The following CCDC102B variants were observed in gnomAD, a reference collection of about 807,000 sequenced individuals.
CCDC102B encodes coiled-coil domain containing 102B, also known as coiled-coil domain-containing protein 102B.
CCDC102B carries 75 observed loss-of-function variants against 57.4 expected under a neutral mutation model. The observed-to-expected ratio is 1.31, with a 90% CI of 1.08 to 1.58. The LOEUF (loss-of-function observed/expected upper bound fraction) is 1.58. Among genes scored for constraint, CCDC102B ranks in the 40% most tolerant of loss-of-function variants. The pLI, the probability that CCDC102B is intolerant of heterozygous loss-of-function variation, is 0.00. For synonymous variants in CCDC102B, 206 were observed against 201.9 expected (o/e 1.02, Z -0.17); for missense variants, 636 against 582.6 (o/e 1.09, Z -0.94).
chr18:68,946,668 T>G (rs1400968074), intron 6 of CCDC102B, among the ~76,000 whole-genome samples: 3 of 152,046 alleles, frequency 2.0e-5, no homozygotes, highest in African/African-American at 7.2e-5. Flanking sequence ...TAAAATTATG[T>G]TTTGGGTATC....
At chr18:68,720,610 C>T (rs2032273107) in intron 2 of CCDC102B, among the ~76,000 whole-genome samples, 1 of 152,224 alleles carries the variant, frequency 6.6e-6, no homozygotes, top group Non-Finnish European at 1.5e-5. Flanking sequence ...TTACCAGACT[C>T]CTTGCTGGGA....
chr18:68,726,815 A>C (rs2032617189), intron 2 of CCDC102B, among the ~76,000 whole-genome samples: 1 of 152,144 alleles, frequency 6.6e-6, no homozygotes, highest in Non-Finnish European at 1.5e-5. Flanking sequence ...AGTCAAGCTA[A>C]AAGCAGCTTT....
intron 1 of CCDC102B, among the ~76,000 whole-genome samples, chr18:68,828,290 T>C (rs1307045732): frequency 2.3e-5 from 3 of 130,178 alleles, no homozygotes; most frequent in South Asian, 2.3e-4. Flanking sequence ...TCAAGTGTCA[T>C]GTAACATTCA....
intron 7 of CCDC102B, among the ~76,000 whole-genome samples, chr18:69,043,422 G>C (rs939260974): frequency 6.6e-6 from 1 of 151,928 alleles, no homozygotes; most frequent in Admixed American, 6.6e-5. Flanking sequence ...GCTTGGGGAC[G>C]GTCAGGTCTT....
chr18:68,814,170 ATTTTC>A (rs1268497594), intron 1 of CCDC102B, among the ~76,000 whole-genome samples: 1 of 152,164 alleles, frequency 6.6e-6, no homozygotes, highest in East Asian at 1.9e-4. Context: ...CAGAATGAGT[ATTTTC>A]TTTACTCCAA....
At position 68,836,715 on chromosome 18, in the gene CCDC102B, T is replaced by A. The variant is rs755200068; in HGVS notation, c.-15-34T>A. ...TGTTCCTGTATTTACAAGGGAAATT[T>A]CAGCGTGAAATTATGGTCTCTATCT... On this transcript the variant is annotated intron_variant, in intron 1 of 7. Coordinates refer to ENST00000360242, the MANE Select transcript of CCDC102B (RefSeq NM_024781.3). 9 of 1,530,258 alleles carry A rather than the reference T, an allele frequency of 5.9e-6. No homozygotes were observed. The South Asian group carries it at 1.1e-4, about 19-fold the overall frequency. The allele number at this position is 1,530,258 out of a possible 1,614,324, so 94.8% of individuals were successfully genotyped here. A position where few individuals can be genotyped will look rare whatever the true frequency, so the allele number is the denominator to read the frequency against.
intron 6 of CCDC102B, among the ~76,000 whole-genome samples, chr18:68,906,810 A>G (rs2040661756): frequency 2.0e-5 from 3 of 147,290 alleles, no homozygotes; most frequent in African/African-American, 5.0e-5. Context: ...TGATACACGC[A>G]GTTTTACATT....
At chr18:68,890,352 C>T (rs1478539125) in intron 5 of CCDC102B, among the ~76,000 whole-genome samples, 1 of 152,100 alleles carries the variant, frequency 6.6e-6, no homozygotes, top group Non-Finnish European at 1.5e-5. Flanking sequence ...CCTCTCATCT[C>T]AGCCTCCTGA....
At chr18:68,940,779 T>G (rs1056268340) in intron 6 of CCDC102B, among the ~76,000 whole-genome samples, 1 of 151,936 alleles carries the variant, frequency 6.6e-6, no homozygotes, top group African/African-American at 2.4e-5. Context: ...GGTCTAGAAT[T>G]AATGTACAGA....
chr18:68,856,322 G>T (rs1273618060), intron 4 of CCDC102B, among the ~76,000 whole-genome samples: 2 of 151,894 alleles, frequency 1.3e-5, no homozygotes, highest in African/African-American at 2.4e-5. Context: ...ACACGGTGTT[G>T]CTCTGTTACT....
At chr18:68,808,758 G>A (rs536490863) in intron 1 of CCDC102B, among the ~76,000 whole-genome samples, 3 of 152,220 alleles carry the variant, frequency 2.0e-5, no homozygotes, top group East Asian at 3.9e-4. Context: ...GATTACAGGC[G>A]TGAGCCACAG....
intron 6 of CCDC102B, among the ~76,000 whole-genome samples, chr18:69,008,328 A>G (rs1368753608): frequency 6.6e-6 from 1 of 152,166 alleles, no homozygotes; most frequent in Non-Finnish European, 1.5e-5. Flanking sequence ...AAACTCAGTG[A>G]TGGTGCATAA....
At chr18:68,804,982 A>G (rs2035982853) in intron 1 of CCDC102B, among the ~76,000 whole-genome samples, 1 of 151,956 alleles carries the variant, frequency 6.6e-6, no homozygotes, top group Non-Finnish European at 1.5e-5. Flanking sequence ...TGAGGAGGCC[A>G]TGTCCTGGAG....
intron 2 of CCDC102B, among the ~76,000 whole-genome samples, chr18:68,741,667 T>TCA (rs60407642): frequency 8.5e-4 from 119 of 140,370 alleles, no homozygotes; most frequent in African/African-American, 2.1e-3. Context: ...TGAAGACTGG[T>TCA]CACACACACA....
At chr18:69,039,035 A>G (rs983119573) in intron 7 of CCDC102B, among the ~76,000 whole-genome samples, 18 of 151,968 alleles carry the variant, frequency 1.2e-4, no homozygotes, top group African/African-American at 4.1e-4. Context: ...ACTGGTTACT[A>G]AAGGACCATT....
At chr18:68,801,865 T>C (rs1331507199) in intron 1 of CCDC102B, among the ~76,000 whole-genome samples, 2 of 152,166 alleles carry the variant, frequency 1.3e-5, no homozygotes, top group African/African-American at 4.8e-5. Flanking sequence ...GTGAAGGCAT[T>C]AGGTGAAAGA....
intron 7 of CCDC102B, among the ~76,000 whole-genome samples, chr18:69,026,913 C>T (rs909907298): frequency 3.9e-5 from 6 of 152,046 alleles, no homozygotes; most frequent in African/African-American, 4.8e-5. Context: ...TGCATGAGCA[C>T]GGGGAAAGGT....
At chr18:69,051,495 G>A (rs913231750) in intron 7 of CCDC102B, among the ~76,000 whole-genome samples, 1 of 151,816 alleles carries the variant, frequency 6.6e-6, no homozygotes, top group Non-Finnish European at 1.5e-5. Flanking sequence ...GAAACTCCAG[G>A]TTAAATACAA....
At chr18:69,031,496 TAGCAG>T (rs1350256395) in intron 7 of CCDC102B, among the ~76,000 whole-genome samples, 2 of 151,988 alleles carry the variant, frequency 1.3e-5, no homozygotes, top group African/African-American at 4.8e-5. Flanking sequence ...TATTTTGATA[TAGCAG>T]CATTTTTCCT....
Sources: allele counts gnomAD v4.1 joint callset (sites outside exome capture counted in the v4.1 genomes callset), GRCh38; gene constraint gnomAD v4.1.1; transcripts MANE v1.5; gene names NCBI Gene and HGNC (gene_info 2026-07-23, HGNC 2026-07-21).